The following DLG2 variants were observed in gnomAD, a reference collection of about 807,000 sequenced individuals.
The protein encoded by DLG2 is discs large MAGUK scaffold protein 2, also known as disks large homolog 2.
Under a neutral mutation model 132.5 loss-of-function variants are expected in DLG2, and 45 were observed. The ratio of observed to expected loss-of-function variants is 0.34; its 90% confidence interval spans 0.27 to 0.44. The LOEUF (loss-of-function observed/expected upper bound fraction) is 0.44. Ranked by LOEUF, DLG2 falls within the 20% of genes least tolerant of loss-of-function variation. The probability of loss-of-function intolerance (pLI) is 1.00; values close to 1 mark genes in which losing one functional copy is unlikely to be tolerated. For missense variants in DLG2, 1,045 were observed against 1,196.9 expected (o/e 0.87, Z 1.87); for synonymous variants, 424 against 419.6 (o/e 1.01, Z -0.13).
At chr11:85,198,050 G>A (rs1460210621) in intron 4 of DLG2, among the ~76,000 whole-genome samples, 7 of 151,844 alleles carry the variant, frequency 4.6e-5, no homozygotes, top group African/African-American at 4.8e-5. Flanking sequence ...TCTTCCTGTC[G>A]GGACCAAACT....
At chr11:84,405,918 A>T (rs1251762797) in intron 7 of DLG2, among the ~76,000 whole-genome samples, 1 of 152,126 alleles carries the variant, frequency 6.6e-6, no homozygotes, top group Admixed American at 6.5e-5. Flanking sequence ...CCTTAAATCT[A>T]ACTGTCTCTG....
intron 7 of DLG2, among the ~76,000 whole-genome samples, chr11:84,373,265 C>CAAAAAAAAAAAAAA (rs59038372): frequency 6.1e-5 from 6 of 98,088 alleles, no homozygotes; most frequent in African/African-American, 9.1e-5. Context: ...AAAAAAAAAA[C>CAAAAAAAAAAAAAA]AAAACAAAAA....
chr11:83,949,825 A>C (rs1323573317), intron 14 of DLG2, among the ~76,000 whole-genome samples: 1 of 152,198 alleles, frequency 6.6e-6, no homozygotes, highest in East Asian at 1.9e-4. Flanking sequence ...CCTCTAAAAA[A>C]ATAAATATCT....
chr11:84,276,162 T>C (rs563829899), intron 7 of DLG2, among the ~76,000 whole-genome samples: 1 of 152,338 alleles, frequency 6.6e-6, no homozygotes, highest in South Asian at 2.1e-4. Flanking sequence ...TAATTCATGT[T>C]CATAAATTCA....
intron 3 of DLG2, among the ~76,000 whole-genome samples, chr11:85,471,434 G>C (rs576097412): frequency 2.0e-5 from 3 of 151,910 alleles, no homozygotes; most frequent in Non-Finnish European, 2.9e-5. Context: ...AATCTGAAAA[G>C]GACTATAAAA....
intron 6 of DLG2, among the ~76,000 whole-genome samples, chr11:84,897,586 AGAGTGAACAGCATTCTACT>A (rs1213811582): frequency 2.6e-5 from 4 of 151,848 alleles, no homozygotes; most frequent in African/African-American, 9.7e-5. Flanking sequence ...ATATCTTTCT[AGAGTGAACAGCATTCTACT>A]GAAGATACTC....
At chr11:84,083,495 A>T (rs879903348) in intron 10 of DLG2, among the ~76,000 whole-genome samples, 20 of 152,210 alleles carry the variant, frequency 1.3e-4, no homozygotes, top group Non-Finnish European at 2.5e-4. Context: ...TTTAATTCCC[A>T]ATGCAACAGT....
intron 19 of DLG2, among the ~76,000 whole-genome samples, chr11:83,573,430 A>G (rs2096830264): frequency 6.6e-6 from 1 of 152,122 alleles, no homozygotes; most frequent in Admixed American, 6.6e-5. Flanking sequence ...CAATTCAGAG[A>G]CTGTTCAGAA....
At chr11:83,917,149 C>T (rs2077046495) in intron 15 of DLG2, among the ~76,000 whole-genome samples, 3 of 152,092 alleles carry the variant, frequency 2.0e-5, no homozygotes, top group Non-Finnish European at 4.4e-5. Flanking sequence ...TGACAATTAC[C>T]CTCACCTTGC....
chr11:83,760,560 T>C (rs940883780), intron 18 of DLG2, among the ~76,000 whole-genome samples: 19 of 152,104 alleles, frequency 1.2e-4, no homozygotes, highest in African/African-American at 4.3e-4. Flanking sequence ...TTCACCATGT[T>C]GACCAGGCTG....
At chr11:84,747,324 C>G (rs887738950) in intron 6 of DLG2, among the ~76,000 whole-genome samples, 1 of 152,000 alleles carries the variant, frequency 6.6e-6, no homozygotes, top group Non-Finnish European at 1.5e-5. Context: ...TTCACACAAC[C>G]TGTATACATA....
chr11:85,566,637 C>G (rs2077540108), intron 3 of DLG2, among the ~76,000 whole-genome samples: 1 of 152,066 alleles, frequency 6.6e-6, no homozygotes, highest in African/African-American at 2.4e-5. Flanking sequence ...GTCCCATTCA[C>G]AAGGGGTCTG....
chr11:84,932,203 T>C (rs2048175501), intron 6 of DLG2, among the ~76,000 whole-genome samples: 1 of 152,202 alleles, frequency 6.6e-6, no homozygotes, highest in Admixed American at 6.5e-5. Context: ...CATGCCTATG[T>C]CCTGAATGGT....
intron 15 of DLG2, among the ~76,000 whole-genome samples, chr11:83,914,615 A>C (rs2076615537): frequency 6.6e-6 from 1 of 152,182 alleles, no homozygotes; most frequent in African/African-American, 2.4e-5. Flanking sequence ...TACTTTTTAA[A>C]AAATTCTCAT....
intron 6 of DLG2, among the ~76,000 whole-genome samples, chr11:84,850,773 T>A (rs1050761031): frequency 1.3e-5 from 2 of 152,006 alleles, no homozygotes; most frequent in African/African-American, 4.8e-5. Flanking sequence ...AAAATGAAAT[T>A]AAGAAAACAA....
intron 22 of DLG2, among the ~76,000 whole-genome samples, chr11:83,476,847 T>C (rs1273531059): frequency 6.6e-6 from 1 of 152,080 alleles, no homozygotes; most frequent in Non-Finnish European, 1.5e-5. Flanking sequence ...GTCTAATAAA[T>C]AGTTTTGTTG....
At chr11:83,671,798 A>G (rs944196748) in intron 18 of DLG2, among the ~76,000 whole-genome samples, 2 of 152,200 alleles carry the variant, frequency 1.3e-5, no homozygotes, top group African/African-American at 2.4e-5. Context: ...GCACAATACA[A>G]TTGTCACATC....
At chr11:85,029,060 C>G (rs151192490) in intron 6 of DLG2, among the ~76,000 whole-genome samples, 17 of 152,164 alleles carry the variant, frequency 1.1e-4, no homozygotes, top group Non-Finnish European at 1.3e-4. Flanking sequence ...TAAAAGCTTT[C>G]AAAATTCTTG....
At chr11:83,997,730 C>CAAAAAAA (rs71066079) in intron 11 of DLG2, among the ~76,000 whole-genome samples, 3 of 24,796 alleles carry the variant, frequency 1.2e-4, no homozygotes, top group African/African-American at 1.5e-4. Flanking sequence ...GACTCCATCT[C>CAAAAAAA]AAAAAAAAAA....
Sources: gnomAD v4.1 joint callset for allele counts (sites outside exome capture counted in the v4.1 genomes callset) on GRCh38, gnomAD v4.1.1 for gene constraint, MANE v1.5 for transcripts, NCBI Gene and HGNC (gene_info 2026-07-23, HGNC 2026-07-21) for gene names.